Variants in PRH1 observed in about 807,000 individuals in gnomAD.
The protein encoded by PRH1 is salivary acidic proline-rich phosphoprotein 1/2.
In PRH1, 7 loss-of-function variants were observed where a neutral mutation model predicts 7.9. That is an observed-to-expected ratio of 0.89 (90% CI 0.50 to 1.67). The LOEUF is 1.67. Among genes scored for constraint, PRH1 ranks in the 40% most tolerant of loss-of-function variants. PRH1 has a pLI of 0.00. For synonymous variants in PRH1, 45 were observed against 80.8 expected (o/e 0.56, Z 2.38); for missense variants, 109 against 223.6 (o/e 0.49, Z 3.27).
At chr12:11,032,764 C>T (rs1451158284) in intron 1 of PRH1, among the ~76,000 whole-genome samples, 2 of 152,174 alleles carry the variant, frequency 1.3e-5, no homozygotes, top group Non-Finnish European at 2.9e-5. Flanking sequence ...GTACCAGACC[C>T]TTTGATATAT....
At chr12:11,127,667 C>T (rs948903019) in intron 1 of PRH1, among the ~76,000 whole-genome samples, 4 of 152,158 alleles carry the variant, frequency 2.6e-5, no homozygotes, top group African/African-American at 9.7e-5. Flanking sequence ...AATTACTGTC[C>T]TATAACTTCT....
At chr12:10,918,335 A>G (rs994252925) in intron 2 of PRH1, among the ~76,000 whole-genome samples, 1 of 152,200 alleles carries the variant, frequency 6.6e-6, no homozygotes, top group Non-Finnish European at 1.5e-5. Flanking sequence ...AACCTATGTA[A>G]CAAACCTGCA....
intron 1 of PRH1, chr12:11,030,939 G>A (rs773023945): frequency 3.7e-6 from 6 of 1,614,264 alleles, no homozygotes; most frequent in African/African-American, 1.3e-5. Context: ...GGCCCCAACA[G>A]CATCACCAGA....
chr12:11,118,105 G>T (rs2708335), downstream of PRH1, among the ~76,000 whole-genome samples: 67,854 of 151,810 alleles, frequency 0.45, 15,911 homozygotes, highest in Non-Finnish European at 0.51. Flanking sequence ...CACAGCAAAG[G>T]TATGATCAAC....
upstream of PRH1, among the ~76,000 whole-genome samples, chr12:10,888,749 G>GATTCTTCT (rs1310012961): frequency 6.6e-6 from 1 of 152,036 alleles, no homozygotes; most frequent in Non-Finnish European, 1.5e-5. Context: ...TGTTTTTAGT[G>GATTCTTCT]ATTCTTCTAT....
At chr12:10,962,507 T>C (rs1404049556) in intron 2 of PRH1, among the ~76,000 whole-genome samples, 10 of 152,210 alleles carry the variant, frequency 6.6e-5, no homozygotes, top group Admixed American at 5.9e-4. Flanking sequence ...CCTGCAAGTA[T>C]GGAATAACCA....
chr12:11,109,273 C>T (rs112267875), intron 1 of PRH1, among the ~76,000 whole-genome samples: 2 of 152,314 alleles, frequency 1.3e-5, no homozygotes, highest in African/African-American at 4.8e-5. Flanking sequence ...CTGCCTGACA[C>T]TCTGAAAAGA....
At chr12:10,891,747 C>T (rs931060891) in intron 2 of PRH1, 8 of 152,240 alleles carry the variant, frequency 5.3e-5, no homozygotes, top group African/African-American at 9.6e-5. Context: ...CTTCAAGCTT[C>T]AGTCCCCTCA....
Position 11,151,747 on chromosome 12 carries a change from A to G in PRH1, n.39+19675T>C, listed in dbSNP as rs145939523. Among the ~76,000 whole-genome samples the G allele has an allele frequency of 4.6e-3, 694 of 152,304 alleles. 6 individuals carry two copies. Among genetic ancestry groups the G allele is most frequent in the African/African-American group, 0.016 (666 of 41,568 alleles). ...AGGGGATAAATTATATTAGGGAAAGAAAGTCTTTCTTTAGTTGGTTAAATT... is the reference window on the plus strand; with the variant it reads ...AGGGGATAAATTATATTAGGGAAAGGAAGTCTTTCTTTAGTTGGTTAAATT... On this transcript the variant is annotated intron_variant and non_coding_transcript_variant, in intron 1 of 1. Transcript: ENST00000541175.
intron 1 of PRH1, among the ~76,000 whole-genome samples, chr12:11,100,774 A>G (rs2597972): frequency 0.46 from 69,149 of 151,922 alleles, 16,547 homozygotes; most frequent in Non-Finnish European, 0.53. Context: ...GCACAAACAT[A>G]CTCAAAGATC....
chr12:10,951,930 G>T (rs1937691523), intron 2 of PRH1, among the ~76,000 whole-genome samples: 1 of 152,116 alleles, frequency 6.6e-6, no homozygotes, highest in South Asian at 2.1e-4. Context: ...AAAGGATCTT[G>T]GAGTCAGACT....
At chr12:11,129,008 G>C (rs1256734703) in intron 1 of PRH1, among the ~76,000 whole-genome samples, 2 of 152,058 alleles carry the variant, frequency 1.3e-5, no homozygotes, top group African/African-American at 2.4e-5. Flanking sequence ...CTGCAGCCTG[G>C]AACTCCTGGG....
At chr12:10,959,834 C>T (rs1938153274) in intron 2 of PRH1, among the ~76,000 whole-genome samples, 1 of 152,130 alleles carries the variant, frequency 6.6e-6, no homozygotes, top group Non-Finnish European at 1.5e-5. Flanking sequence ...ACCAACAAAA[C>T]AAGTCTGATT....
chr12:10,965,219 T>G (rs1461941288), intron 2 of PRH1: 2 of 1,485,288 alleles, frequency 1.3e-6, no homozygotes, highest in Non-Finnish European at 1.8e-6. Flanking sequence ...GAGAATTTGG[T>G]CAGCAAAGGA....
At chr12:11,146,703 T>C (rs756939706) in intron 1 of PRH1, among the ~76,000 whole-genome samples, 4 of 152,156 alleles carry the variant, frequency 2.6e-5, no homozygotes, top group Non-Finnish European at 5.9e-5. Context: ...TTAAATTTTG[T>C]TCTTAATGTT....
At chr12:10,900,034 A>T (rs1437648225) in intron 2 of PRH1, among the ~76,000 whole-genome samples, 1 of 152,238 alleles carries the variant, frequency 6.6e-6, no homozygotes, top group East Asian at 1.9e-4. Flanking sequence ...AAAGTCTCAT[A>T]AAGGTTAACT....
chr12:11,123,576 T>C (rs973957177), intron 1 of PRH1, among the ~76,000 whole-genome samples: 4 of 152,224 alleles, frequency 2.6e-5, no homozygotes, highest in African/African-American at 7.2e-5. Context: ...TTATTGCTTC[T>C]TGCATGTTCA....
chr12:10,972,275 G>T (rs117540161), intron 2 of PRH1, among the ~76,000 whole-genome samples: 2,316 of 152,206 alleles, frequency 0.015, 21 homozygotes, highest in South Asian at 0.031. Context: ...ATATCACTGG[G>T]CATGATCCCC....
intron 1 of PRH1, among the ~76,000 whole-genome samples, chr12:11,011,280 C>G (rs939006936): frequency 4.6e-5 from 7 of 152,054 alleles, no homozygotes; most frequent in African/African-American, 1.7e-4. Context: ...CAGTAATGTT[C>G]TTTTTCCTTT....
Sources: gnomAD v4.1 joint callset for allele counts (sites outside exome capture counted in the v4.1 genomes callset) on GRCh38, gnomAD v4.1.1 for gene constraint, MANE v1.5 for transcripts, NCBI Gene and HGNC (gene_info 2026-07-23, HGNC 2026-07-21) for gene names.